The following CBLL1 variants were observed in gnomAD, a reference collection of about 807,000 sequenced individuals.
CBLL1 encodes the protein Cbl proto-oncogene like 1, also known as E3 ubiquitin-protein ligase Hakai.
A neutral mutation model predicts 44.9 loss-of-function variants in CBLL1; 4 were observed. The ratio of observed to expected loss-of-function variants is 0.09; its 90% CI spans 0.04 to 0.20. The LOEUF is 0.20. Among genes scored for constraint, CBLL1 ranks in the 10% least tolerant of loss-of-function variants. CBLL1 has a pLI of 1.00. For missense variants in CBLL1, 569 were observed against 636.7 expected (o/e 0.89, Z 1.14); for synonymous variants, 235 against 202.2 (o/e 1.16, Z -1.38).
At position 107,758,001 on chromosome 7, in the gene CBLL1, T is replaced by C; in HGVS notation, c.441-142T>C. 1 of 768,000 alleles carries C rather than the reference T, an allele frequency of 1.3e-6. No homozygotes were observed. Among genetic ancestry groups the C allele is most frequent in the Admixed American group, 3.0e-5 (1 of 33,222 alleles). The allele number at this position is 768,000 out of a possible 1,614,324, so 47.6% of individuals were successfully genotyped here. On this transcript the variant is annotated intron_variant, in intron 5 of 5. Coordinates refer to ENST00000440859, the MANE Select transcript of CBLL1 (RefSeq NM_024814.4). This position sits in a 1 kb window ranked among gnomAD's most constrained non-coding sequence, Gnocchi z 4.2. ...AAGTAGGGAAGATTAAAGGTTTGCG[T>C]AGAATAACTGTAACTTCTAATTGTG...
intron 2 of CBLL1, among the ~76,000 whole-genome samples, chr7:107,751,872 C>T (rs1793307635): frequency 6.6e-6 from 1 of 152,032 alleles, no homozygotes; most frequent in Admixed American, 6.6e-5. Flanking sequence ...TCCTAATTTC[C>T]TTGGCTGTTA....
intron 2 of CBLL1, among the ~76,000 whole-genome samples, chr7:107,751,348 A>C (rs550901427): frequency 6.6e-6 from 1 of 152,288 alleles, no homozygotes; most frequent in East Asian, 1.9e-4. Flanking sequence ...GTGTGGCCGC[A>C]TTCCTAACAG....
intron 2 of CBLL1, chr7:107,752,451 T>TGG: frequency 4.1e-6 from 2 of 492,568 alleles, no homozygotes; most frequent in Admixed American, 5.4e-5. Context: ...TCTCTCTGTG[T>TGG]GTGTGTGTGT....
chr7:107,749,317 CCTT>C, intron 2 of CBLL1: 1 of 234,694 alleles, frequency 4.3e-6, no homozygotes, highest in East Asian at 8.1e-5. Context: ...AAAGTAAAAT[CCTT>C]CTATCCAAAG....
In CBLL1 at chr7:107,761,496, T is replaced by G. The variant is rs1793755867; in HGVS notation, c.*2318T>G. Reference sequence around the variant, plus strand: ...AGGATAACAAAATTACTGTTAGTGTTTCTTTCCTTACGGAAAAAGATGTGA... The same window carrying G: ...AGGATAACAAAATTACTGTTAGTGTGTCTTTCCTTACGGAAAAAGATGTGA... On this transcript the variant is annotated 3_prime_UTR_variant, in exon 6 of 6. Transcript: ENST00000440859. 1 of 152,178 alleles carries G rather than the reference T, an allele frequency of 6.6e-6. No homozygotes were observed. Among genetic ancestry groups the G allele is most frequent in the South Asian group, 2.1e-4 (1 of 4,836 alleles). The allele number at this position is 152,178 out of a possible 1,614,324, so 9.4% of individuals were successfully genotyped here.
intron 2 of CBLL1, among the ~76,000 whole-genome samples, chr7:107,749,612 T>C (rs1018146026): frequency 5.3e-5 from 8 of 151,906 alleles, no homozygotes; most frequent in African/African-American, 1.9e-4. Flanking sequence ...TTTTTTTTTT[T>C]TTTAAGAGCA....
At chr7:107,757,158 A>G (rs762277024) in intron 5 of CBLL1, among the ~76,000 whole-genome samples, 14 of 152,184 alleles carry the variant, frequency 9.2e-5, no homozygotes, top group Non-Finnish European at 1.5e-4. Context: ...CACATATTCA[A>G]TGATAATTGC....
chr7:107,756,308 C>T (rs1160249131), intron 5 of CBLL1, among the ~76,000 whole-genome samples: 2 of 152,078 alleles, frequency 1.3e-5, no homozygotes, highest in Non-Finnish European at 2.9e-5. Flanking sequence ...CACTTGTCAG[C>T]AATGATTCCC....
Position 107,749,019 on chromosome 7 carries a change from G to A in CBLL1, c.153G>A (p.Met51Ile). The change falls in exon 2 of 6, where the codon ATG becomes ATA. Residue 51 changes from methionine (M) to isoleucine (I), a missense_variant. Physicochemically the swap from Met to Ile is conservative, Grantham distance 10. This residue lies in a region of CBLL1 where 209 missense variants were observed against 202.8 expected (regional missense o/e 1.03). Coordinates refer to ENST00000440859, the MANE Select transcript of CBLL1 (RefSeq NM_024814.4). ...GAACTCAAAGAACTATAAACAGGAT[G>A]CCTGCAAAGGCTCCACCTGGTGATG... is the stretch of plus-strand genomic sequence containing the variant. ...APRTQRTINR[M>I]PAKAPPGDEE... is the part of the protein sequence containing the mutation. The A allele has an allele frequency of 6.2e-7, 1 of 1,614,132 alleles. No individual in the cohort carries two copies. The highest frequency in any genetic ancestry group is 8.5e-7 in the Non-Finnish European group (1 of 1,179,992).
chr7:107,752,674 T>C (rs918240372), intron 2 of CBLL1: 5 of 976,256 alleles, frequency 5.1e-6, no homozygotes, highest in Non-Finnish European at 6.8e-6. Context: ...TCTGTTCTTT[T>C]GTAGGAGTTG....
chr7:107,749,129 C>A, intron 2 of CBLL1, 82 bp downstream of exon 2: 1 of 1,227,080 alleles, frequency 8.1e-7, no homozygotes, highest in East Asian at 2.5e-5. Flanking sequence ...TTATAGCTAC[C>A]TCTTTTTGTC....
Position 107,745,877 on chromosome 7 carries a change from G to T in CBLL1, c.13+1701G>T, listed in dbSNP as rs376325446. ...GACGGGAATTTGGGAACAAGTGTTT[G>T]GTCTTGGACTGCTAGTGTGAGATAA... On this transcript the variant is annotated intron_variant, in intron 1 of 5. Coordinates refer to ENST00000440859, the MANE Select transcript of CBLL1 (RefSeq NM_024814.4). 4.5e-4 allele frequency among the ~76,000 whole-genome samples: 69 copies of T among 152,306 alleles called. 1 individual carries two copies. The South Asian group carries it at 0.014, about 32-fold the overall frequency.
chr7:107,751,070 T>C (rs1793267964), intron 2 of CBLL1, among the ~76,000 whole-genome samples: 1 of 152,000 alleles, frequency 6.6e-6, no homozygotes. Flanking sequence ...AAAGCAGCAG[T>C]CCCTAATCTT....
chr7:107,750,633 T>C (rs1793243466), intron 2 of CBLL1, among the ~76,000 whole-genome samples: 1 of 152,180 alleles, frequency 6.6e-6, no homozygotes, highest in African/African-American at 2.4e-5. Context: ...CGGTCTTTGC[T>C]TTTATGACTT....
In CBLL1 at chr7:107,759,580, A is replaced by G. The variant is rs2115735917; in HGVS notation, c.*402A>G. On this transcript the variant is annotated 3_prime_UTR_variant, in exon 6 of 6. Transcript: ENST00000440859. Reference sequence around the variant, plus strand: ...AAGGATTAAATTTCAATATGGTTGTAAAAATGCTATTTTTATGTGAATTTA... The same window carrying G: ...AAGGATTAAATTTCAATATGGTTGTGAAAATGCTATTTTTATGTGAATTTA... 6.3e-6 allele frequency: 1 copy of G among 157,762 alleles called. No homozygotes were observed. Among genetic ancestry groups the G allele is most frequent in the African/African-American group, 2.4e-5 (1 of 41,740 alleles). 9.8% of individuals were successfully genotyped at this position (157,762 alleles called of 1,614,324 possible).
chr7:107,758,693 C>A lies in CBLL1; in HGVS notation c.991C>A (p.Pro331Thr). The change falls in exon 6 of 6, where the codon CCT (proline) becomes ACT (threonine). Residue 331 changes from proline (P) to threonine (T), a missense_variant. By Grantham distance (38) the Pro-to-Thr change is conservative (BLOSUM62 -1). Around this residue, in one of 5 missense-constraint regions of CBLL1, gnomAD observed 228 missense variants for 253.2 expected, o/e 0.90. Transcript: ENST00000440859. This position sits in a 1 kb window ranked among gnomAD's most constrained non-coding sequence, Gnocchi z 4.2. The part of the protein sequence containing the change: ...EYQGQPVVSH[P>T]HHIMPPQQHY... ...TCAGGGTCAACCAGTGGTATCGCAC[C>A]CTCATCATATTATGCCTCCACAGCA... is the stretch of plus-strand genomic sequence containing the variant. 1 of 1,613,850 alleles carries A rather than the reference C, an allele frequency of 6.2e-7. No individual in the cohort carries two copies.
At position 107,760,106 on chromosome 7, in the gene CBLL1, T is replaced by C. The variant is rs1793709750; in HGVS notation, c.*928T>C. 1 of 152,294 alleles carries C rather than the reference T, an allele frequency of 6.6e-6. No individual in the cohort carries two copies. The highest frequency in any genetic ancestry group is 2.1e-4 in the South Asian group (1 of 4,836). 9.4% of individuals were successfully genotyped at this position (152,294 alleles called of 1,614,324 possible). A position where few individuals can be genotyped will look rare whatever the true frequency, so the allele number is the denominator to read the frequency against. On this transcript the variant is annotated 3_prime_UTR_variant, in exon 6 of 6. Coordinates refer to ENST00000440859, the MANE Select transcript of CBLL1 (RefSeq NM_024814.4). ...GAAATGTGTTCTGTTTTGTTCATTG[T>C]CTTAAACTGAATAGGGCTGAATAGG...
Position 107,758,554 on chromosome 7 carries a change from T to A in CBLL1, c.852T>A (p.Ile284=). ...PRSVSQETFR[I]STRKHSNLIT... ...CGGTCAGTCAGGAAACCTTTCGTAT[T>A]TCAACAAGAAAACACAGCAATTTAA... is the stretch of plus-strand genomic sequence containing the variant. Residue 284 remains isoleucine (I), a synonymous_variant, in exon 6 of 6, where the codon ATT becomes ATA. Transcript: ENST00000440859. This position sits in a 1 kb window ranked among gnomAD's most constrained non-coding sequence, Gnocchi z 4.2. The A allele has an allele frequency of 6.2e-7, 1 of 1,614,014 alleles. No individual in the cohort carries two copies. Among genetic ancestry groups the A allele is most frequent in the South Asian group, 1.1e-5 (1 of 91,068 alleles).
At position 107,759,931 on chromosome 7, in the gene CBLL1, T is replaced by G. The variant is rs1226513284; in HGVS notation, c.*753T>G. The G allele has an allele frequency of 6.6e-6, 1 of 152,310 alleles. No individual in the cohort carries two copies. Among genetic ancestry groups the G allele is most frequent in the Non-Finnish European group, 1.5e-5 (1 of 68,008 alleles). 9.4% of individuals were successfully genotyped at this position (152,310 alleles called of 1,614,324 possible). ...GAAAGAGATGGCCAAAATAATCAAC[T>G]CTACAGGCTTCAAGCTGGTGGGGGA... On this transcript the variant is annotated 3_prime_UTR_variant, in exon 6 of 6. Transcript: ENST00000440859.
Sources: gnomAD v4.1 joint callset for allele counts (sites outside exome capture counted in the v4.1 genomes callset) on GRCh38, gnomAD v4.1.1 for gene constraint, gnomAD v4.1.1 regional missense constraint, Gnocchi (gnomAD v3.1) non-coding constraint, MANE v1.5 for transcripts, NCBI Gene and HGNC (gene_info 2026-07-23, HGNC 2026-07-21) for gene names.